The following TTLL7 variants were observed in gnomAD, a reference collection of about 807,000 sequenced individuals.
TTLL7 encodes tubulin tyrosine ligase like 7.
Under a neutral mutation model 120.2 loss-of-function variants are expected in TTLL7, and 53 were observed. The observed-to-expected ratio is 0.44, with a 90% confidence interval of 0.35 to 0.55. The LOEUF is 0.55. TTLL7 is among the 20% of genes least tolerant of loss of function. The pLI is 0.00. For synonymous variants in TTLL7, 353 were observed against 351.7 expected (o/e 1.00, Z -0.04); for missense variants, 803 against 1,054.7 (o/e 0.76, Z 3.31).
At chr1:83,952,728 C>T (rs1649171948) in intron 1 of TTLL7, among the ~76,000 whole-genome samples, 1 of 152,194 alleles carries the variant, frequency 6.6e-6, no homozygotes, top group South Asian at 2.1e-4. Flanking sequence ...TTTAATCTTT[C>T]AACAAACCTG....
At chr1:83,952,782 T>C (rs537342191) in intron 1 of TTLL7, among the ~76,000 whole-genome samples, 2 of 152,314 alleles carry the variant, frequency 1.3e-5, no homozygotes, top group South Asian at 4.1e-4. Context: ...AAGTTGAGCT[T>C]AGAAAGGACA....
intron 19 of TTLL7, chr1:83,890,026 C>T (rs1655321792): frequency 2.0e-6 from 1 of 501,386 alleles, no homozygotes; most frequent in East Asian, 5.5e-5. Flanking sequence ...AGAAGTGTAG[C>T]CATAATTTTA....
At chr1:83,974,019 C>T (rs893242258) in intron 1 of TTLL7, among the ~76,000 whole-genome samples, 1 of 151,906 alleles carries the variant, frequency 6.6e-6, no homozygotes, top group African/African-American at 2.4e-5. Flanking sequence ...GCGGTTCACT[C>T]TATATATGTT....
chr1:83,909,267 T>C lies in TTLL7; in HGVS notation c.1787-1606A>G, dbSNP rs1056861275. On this transcript the variant is annotated intron_variant, in intron 15 of 20. Coordinates refer to ENST00000260505, the MANE Select transcript of TTLL7 (RefSeq NM_024686.6). ...AATCATCACAGATTACTTTTTTTTT[T>C]CCTTTTTTTTTTTTTTTTTTTGCCT... is the stretch of plus-strand genomic sequence containing the variant. 3.0e-3 allele frequency among the ~76,000 whole-genome samples: 184 copies of C among 60,680 alleles called. 4 individuals are homozygous for C. The highest frequency in any genetic ancestry group is 2.9e-3 in the Non-Finnish European group (55 of 18,862). The allele number at this position is 60,680 out of a possible 152,430, so 39.8% of individuals were successfully genotyped here. A position where few individuals can be genotyped will look rare whatever the true frequency, so the allele number is the denominator to read the frequency against.
At chr1:83,979,888 T>A (rs1571374263) in intron 1 of TTLL7, 1 of 152,208 alleles carries the variant, frequency 6.6e-6, no homozygotes, top group Admixed American at 6.5e-5. Context: ...AAAGGATTAC[T>A]AATGAAAACA....
intron 1 of TTLL7, among the ~76,000 whole-genome samples, chr1:83,961,955 A>G (rs1306812214): frequency 6.6e-6 from 1 of 152,150 alleles, no homozygotes; most frequent in African/African-American, 2.4e-5. Flanking sequence ...GTGCTTGACT[A>G]TGCAAAGACT....
chr1:83,993,853 G>A (rs1162318342), intron 1 of TTLL7, among the ~76,000 whole-genome samples: 3 of 152,248 alleles, frequency 2.0e-5, no homozygotes, highest in Non-Finnish European at 2.9e-5. Context: ...ATGGACAGAA[G>A]TGTGTTAACA....
intron 14 of TTLL7, among the ~76,000 whole-genome samples, chr1:83,911,577 T>C (rs1274549076): frequency 6.6e-6 from 1 of 152,102 alleles, no homozygotes; most frequent in Non-Finnish European, 1.5e-5. Context: ...GATATAGTCA[T>C]GATGAGGAAT....
At chr1:83,990,761 G>A (rs1652923276) in intron 1 of TTLL7, among the ~76,000 whole-genome samples, 1 of 152,112 alleles carries the variant, frequency 6.6e-6, no homozygotes, top group African/African-American at 2.4e-5. Context: ...TAGTAAAATG[G>A]TGCAACTCCT....
At chr1:83,949,676 A>C (rs1312410097) in intron 4 of TTLL7, 189 bp downstream of exon 4, 2 of 579,394 alleles carry the variant, frequency 3.5e-6, no homozygotes, top group Non-Finnish European at 2.9e-6. Flanking sequence ...AGAGGTTAAA[A>C]CTTAAGTCTG....
rs549276214 is a variant in TTLL7, at chr1:83,951,085, CA to C, written c.157+759del. Among the ~76,000 whole-genome samples, 1,096 of 152,190 alleles carry C rather than the reference CA, an allele frequency of 7.2e-3. 20 individuals are homozygous for C. Among genetic ancestry groups the C allele is most frequent in the African/African-American group, 0.025 (1,049 of 41,518 alleles). ...GGAACGTAGGCTGGGCACGGTGGCTCACGCCTGTAATCCCAGCACTTTGGGA... is the reference window on the plus strand; with the variant it reads ...GGAACGTAGGCTGGGCACGGTGGCTCCGCCTGTAATCCCAGCACTTTGGGA... On this transcript the variant is annotated intron_variant, in intron 3 of 20. Coordinates refer to ENST00000260505, the MANE Select transcript of TTLL7 (RefSeq NM_024686.6).
intron 9 of TTLL7, among the ~76,000 whole-genome samples, chr1:83,931,934 T>C (rs866688460): frequency 1.4e-4 from 22 of 152,310 alleles, no homozygotes; most frequent in African/African-American, 2.2e-4. Flanking sequence ...CAAGGCAAGA[T>C]TGAAGATTCT....
In TTLL7 at chr1:83,865,777, C is replaced by T. The variant is rs1652873966; in HGVS notation, c.*4185G>A. On this transcript the variant is annotated 3_prime_UTR_variant, in exon 21 of 21. Transcript: ENST00000260505. ...TATTGCTGAGGCAAAATCACACCAC[C>T]ATAAAATGCAAGGAAAACCAATGTT... The T allele has an allele frequency of 6.6e-6, 1 of 151,898 alleles. No individual in the cohort carries two copies. The highest frequency in any genetic ancestry group is 2.4e-5 in the African/African-American group (1 of 41,416). The allele number at this position is 151,898 out of a possible 1,614,324, so 9.4% of individuals were successfully genotyped here. A position where few individuals can be genotyped will look rare whatever the true frequency, so the allele number is the denominator to read the frequency against.
rs1160880881 is a variant in TTLL7 at position 83,943,352 on chromosome 1, C to A, written c.507-673G>T. Among the ~76,000 whole-genome samples, 3 of 152,220 alleles carry A rather than the reference C, an allele frequency of 2.0e-5. No homozygotes were observed. In the South Asian group the frequency reaches 6.2e-4, roughly 32 times the overall value. On this transcript the variant is annotated intron_variant, in intron 6 of 20. Coordinates refer to ENST00000260505, the MANE Select transcript of TTLL7 (RefSeq NM_024686.6). ...TTACATGCCCAAGGTTAGAAGCATG[C>A]TCAAGAAAGACCCGAGAAGGCCCTA...
At position 83,949,891 on chromosome 1, in the gene TTLL7, T is replaced by G. The variant is rs1648880396; in HGVS notation, c.253A>C (p.Lys85Gln). Residue 85 changes from lysine (K) to glutamine (Q), a missense_variant, in exon 4 of 21, where the codon AAA (lysine) becomes CAA (glutamine). Coordinates refer to ENST00000260505, the MANE Select transcript of TTLL7 (RefSeq NM_024686.6). Reference sequence around the variant, plus strand: ...TGATAATTTTGCAGCTCTGAAATTTTCTCCTGCTGAACAGCAGAATCACAC... The same window carrying G: ...TGATAATTTTGCAGCTCTGAAATTTGCTCCTGCTGAACAGCAGAATCACAC... The part of the protein sequence containing the change: ...IWCDSAVQQE[K>Q]ISELQNYQRI... The G allele has an allele frequency of 6.2e-7, 1 of 1,613,522 alleles. No individual in the cohort carries two copies. The highest frequency in any genetic ancestry group is 8.5e-7 in the Non-Finnish European group (1 of 1,179,930).
rs1361471565 is a variant in TTLL7 at position 83,966,174 on chromosome 1, G to GTT, written c.-176-13789_-176-13788dup. ...AATGTGGGTACGCCTCATTCAATCAGTTAAGAGAATGCAGACTGAAGACCC... is the reference window on the plus strand; with the variant it reads ...AATGTGGGTACGCCTCATTCAATCAGTTTTAAGAGAATGCAGACTGAAGACCC... On this transcript the variant is annotated intron_variant, in intron 1 of 20. Transcript: ENST00000260505. 3.3e-5 allele frequency among the ~76,000 whole-genome samples: 5 copies of GTT among 152,102 alleles called. No homozygotes were observed. In the East Asian group the frequency reaches 7.7e-4, roughly 24 times the overall value.
intron 20 of TTLL7, among the ~76,000 whole-genome samples, chr1:83,878,331 A>T (rs2031371): frequency 0.042 from 6,348 of 151,942 alleles, 158 homozygotes; most frequent in Middle Eastern, 0.099. Context: ...TTGTTAAAAA[A>T]TTTATATCTT....
chr1:83,954,864 CA>C (rs200599718), intron 1 of TTLL7, among the ~76,000 whole-genome samples: 1,060 of 94,354 alleles, frequency 0.011, 17 homozygotes, highest in East Asian at 0.1. Context: ...CTATCTAGTT[CA>C]AAAAAAAAAA....
At chr1:83,884,033 G>GGT (rs1041243751) in intron 19 of TTLL7, among the ~76,000 whole-genome samples, 1 of 151,424 alleles carries the variant, frequency 6.6e-6, no homozygotes. Context: ...TTGTGTGGGG[G>GGT]GTGTGTGTGT....
Sources: allele counts gnomAD v4.1 joint callset (sites outside exome capture counted in the v4.1 genomes callset), GRCh38; gene constraint gnomAD v4.1.1; transcripts MANE v1.5; gene names NCBI Gene and HGNC (gene_info 2026-07-23, HGNC 2026-07-21).